Variants in MYH2 observed in about 807,000 individuals in gnomAD.
MYH2 encodes myosin heavy chain 2, also known as myosin-2.
Under a neutral mutation model 228.1 loss-of-function variants are expected in MYH2, and 139 were observed. That is an observed-to-expected ratio of 0.61 (90% CI 0.53 to 0.70). The LOEUF is 0.70. Ranked by LOEUF, MYH2 falls within the 30% of genes least tolerant of loss-of-function variation. MYH2 has a pLI of 0.00. For missense variants in MYH2, 1,809 were observed against 2,357.5 expected, an observed-to-expected ratio of 0.77 and a Z score of 4.82; for synonymous variants, 796 against 871.1, an observed-to-expected ratio of 0.91 and a Z score of 1.52.
At position 10,529,320 on chromosome 17, in the gene MYH2, ATT is replaced by A. The variant is rs771412635; in HGVS notation, c.3263+14_3263+15del. The A allele has an allele frequency of 9.7e-4, 1,566 of 1,613,570 alleles. No individual in the cohort carries two copies. The highest frequency in any genetic ancestry group is 1.1e-3 in the Non-Finnish European group (1,346 of 1,179,934). ...AATGTTGGAAGCAAATCCATAAGCA[ATT>A]CTTTCTTACTTACTTTTTGAGCTTT... On this transcript the variant is annotated intron_variant, in intron 25 of 39. Coordinates refer to ENST00000245503, the MANE Select transcript of MYH2 (RefSeq NM_017534.6).
chr17:10,549,128 C>T (rs1385770410), intron 2 of MYH2, among the ~76,000 whole-genome samples: 1 of 152,000 alleles, frequency 6.6e-6, no homozygotes, highest in African/African-American at 2.4e-5. Flanking sequence ...TTTTTTCCTG[C>T]ACAGACAATA....
chr17:10,530,514 C>T (rs2073412110), intron 22 of MYH2, among the ~76,000 whole-genome samples: 1 of 147,422 alleles, frequency 6.8e-6, no homozygotes, highest in Non-Finnish European at 1.5e-5. Context: ...AGGACAAATT[C>T]AAGATACAGC....
chr17:10,547,405 C>T (rs2073648647), intron 4 of MYH2, 70 bp downstream of exon 4: 1 of 1,588,068 alleles, frequency 6.3e-7, no homozygotes, highest in Non-Finnish European at 8.6e-7. Context: ...CCTATTTATG[C>T]TCAGTGGAAG....
chr17:10,526,779 G>A lies in MYH2; in HGVS notation c.4007C>T (p.Ala1336Val), dbSNP rs138470281. The A allele has an allele frequency of 2.1e-5, 34 of 1,614,216 alleles. No homozygotes were observed. Among genetic ancestry groups the A allele is most frequent in the Middle Eastern group, 1.7e-4 (1 of 6,056 alleles). The change falls in exon 30 of 40, where the codon GCG becomes GTG. Residue 1336 changes from alanine to valine, a missense_variant. Physicochemically the swap from Ala to Val is moderately conservative, Grantham distance 64 (BLOSUM62 0). Around this residue, in one of 9 missense-constraint regions of MYH2, gnomAD observed 636 missense variants for 729.9 expected, o/e 0.87. Transcript: ENST00000245503. The part of the protein sequence containing the change: ...EEEIKAKNAL[A>V]HALQSSRHDC... The stretch of plus-strand genomic sequence containing the variant: ...GTGGCGGGAAGACTGCAGGGCATGC[G>A]CCAGGGCGTTCTTGGCCTATGGAGG...
At chr17:10,527,128 A>G in intron 28 of MYH2, 72 bp from the exon 29 acceptor site, 1 of 1,391,008 alleles carries the variant, frequency 7.2e-7, no homozygotes, top group Non-Finnish European at 1.0e-6. Context: ...TTAGAAAGAA[A>G]TTTTGACTCT....
At position 10,524,927 on chromosome 17, in the gene MYH2, C is replaced by G; in HGVS notation, c.4801G>C (p.Glu1601Gln). 1 of 1,614,148 alleles carries G rather than the reference C, an allele frequency of 6.2e-7. No homozygotes were observed. The highest frequency in any genetic ancestry group is 8.5e-7 in the Non-Finnish European group (1 of 1,180,040). Residue 1601 changes from glutamate (E) to glutamine (Q), a missense_variant, in exon 34 of 40, where the codon GAG becomes CAG. By Grantham distance (29) the Glu-to-Gln change is conservative (BLOSUM62 2). Coordinates refer to ENST00000245503, the MANE Select transcript of MYH2 (RefSeq NM_017534.6). The surrounding 1 kb of genome is among the most constrained non-coding windows in gnomAD (Gnocchi z 4.7). The part of the protein sequence containing the change: ...QLKRNHIRIV[E>Q]SMQSTLDAEI... ...GCATCCAGCGTGCTCTGCATGGACT[C>G]CACGATTCTAATGTGGTTTCTCTTC...
intron 10 of MYH2, 121 bp downstream of exon 10, chr17:10,542,754 C>T: frequency 1.6e-6 from 1 of 612,702 alleles, no homozygotes; most frequent in Non-Finnish European, 2.8e-6. Flanking sequence ...ACTCACAAAG[C>T]TATTTATAAA....
Position 10,540,761 on chromosome 17 carries a change from T to C in MYH2, c.905-64A>G, listed in dbSNP as rs773272770. ...CTTCTTCATTAAAACAAGAGATTTC[T>C]AGACAAATTGTGAGGCACTATATTG... is the stretch of plus-strand genomic sequence containing the variant. On this transcript the variant is annotated intron_variant, in intron 10 of 39. Transcript: ENST00000245503. 1,331 of 1,418,714 alleles carry C rather than the reference T, an allele frequency of 9.4e-4. 1 individual carries two copies. Among genetic ancestry groups the C allele is most frequent in the Non-Finnish European group, 1.2e-3 (1,219 of 1,010,814 alleles). 87.9% of individuals were successfully genotyped at this position (1,418,714 alleles called of 1,614,324 possible).
Position 10,529,575 on chromosome 17 carries a change from G to A in MYH2, c.3106C>T (p.Gln1036Ter). 6.2e-7 allele frequency: 1 copy of A among 1,614,174 alleles called. No homozygotes were observed. The highest frequency in any genetic ancestry group is 2.2e-5 in the East Asian group (1 of 44,874). ...GATACCAGACTTACATCATCCACTT[G>A]TTGTTCAAGTTTGATTTTAGCTTTG... ...LTKAKIKLEQ[Q>*]VDDLEGSLEQ... Residue 1036 changes from glutamine to a stop codon, truncating the protein, a stop_gained, in exon 24 of 40, where the codon CAA (glutamine) becomes TAA (stop). Transcript: ENST00000245503. LOFTEE classifies it high-confidence loss of function.
rs2073332320 is a variant in MYH2, at chr17:10,524,965, T to G, written c.4763A>C (p.Glu1588Ala). Reference sequence around the variant, plus strand: ...GTGGTTTCTCTTCAGCTGGTCAATTTCCTCATCTTTTTCAGCAATTTTCCT... The same window carrying G: ...GTGGTTTCTCTTCAGCTGGTCAATTGCCTCATCTTTTTCAGCAATTTTCCT... ...VDRKIAEKDE[E>A]IDQLKRNHIR... Residue 1588 changes from glutamate (E) to alanine (A), a missense_variant, in exon 34 of 40, where the codon GAA becomes GCA. Glu to Ala is a moderately radical substitution (Grantham distance 107). Coordinates refer to ENST00000245503, the MANE Select transcript of MYH2 (RefSeq NM_017534.6). This position sits in a 1 kb window ranked among gnomAD's most constrained non-coding sequence, Gnocchi z 4.7. 3 of 1,614,090 alleles carry G rather than the reference T, an allele frequency of 1.9e-6. No individual in the cohort carries two copies. The highest frequency in any genetic ancestry group is 2.5e-6 in the Non-Finnish European group (3 of 1,180,018).
rs2073371575 is a variant in MYH2, at chr17:10,527,756, G to A, written c.3863C>T (p.Thr1288Ile). Residue 1288 changes from threonine to isoleucine, a missense_variant, in exon 28 of 40, where the codon ACT becomes ATT. By Grantham distance (89) the Thr-to-Ile change is moderately conservative. Coordinates refer to ENST00000245503, the MANE Select transcript of MYH2 (RefSeq NM_017534.6). ...GAAGAGGGGAGAGTTACCAGATTCA[G>A]TCTGCAGGCGCCCCCTCTGCGCAGT... Reference protein sequence around the residue: ...DLTAQRGRLQTESGEFSRQLD... With the variant: ...DLTAQRGRLQIESGEFSRQLD... The A allele has an allele frequency of 6.2e-7, 1 of 1,614,108 alleles. No homozygotes were observed.
At chr17:10,547,039 C>T (rs550340150) in intron 4 of MYH2, among the ~76,000 whole-genome samples, 4 of 151,924 alleles carry the variant, frequency 2.6e-5, no homozygotes, top group East Asian at 3.9e-4. Context: ...TGCAGTGAGC[C>T]GAGATCGCAC....
chr17:10,546,750 G>C (rs1024459106), intron 4 of MYH2, among the ~76,000 whole-genome samples: 1 of 142,430 alleles, frequency 7.0e-6, no homozygotes, highest in Non-Finnish European at 1.5e-5. Context: ...TGTTATTTCA[G>C]GGGATTGAAA....
chr17:10,529,301 G>A, intron 25 of MYH2, 35 bp downstream of exon 25: 1 of 1,613,950 alleles, frequency 6.2e-7, no homozygotes, highest in Admixed American at 1.7e-5. Flanking sequence ...ATCTAATGTT[G>A]GAAGCAAATC....
chr17:10,546,467 A>G (rs1204459306), intron 4 of MYH2, among the ~76,000 whole-genome samples: 1 of 151,822 alleles, frequency 6.6e-6, no homozygotes, highest in Non-Finnish European at 1.5e-5. Flanking sequence ...AATAAATTTG[A>G]TTTAAAAATA....
At position 10,524,748 on chromosome 17, in the gene MYH2, C is replaced by T; in HGVS notation, c.4971+9G>A. The T allele has an allele frequency of 6.2e-7, 1 of 1,614,208 alleles. No homozygotes were observed. The highest frequency in any genetic ancestry group is 8.5e-7 in the Non-Finnish European group (1 of 1,180,046). On this transcript the variant is annotated intron_variant, in intron 34 of 39. Coordinates refer to ENST00000245503, the MANE Select transcript of MYH2 (RefSeq NM_017534.6). The surrounding 1 kb of genome is among the most constrained non-coding windows in gnomAD (Gnocchi z 4.7). Reference sequence around the variant, plus strand: ...AATAGTCCTGGGACCATCTCTTGGACATATTTACCTTGAGGATGCCTTGGG... The same window carrying T: ...AATAGTCCTGGGACCATCTCTTGGATATATTTACCTTGAGGATGCCTTGGG...
At position 10,527,690 on chromosome 17, in the gene MYH2, C is replaced by G. The variant is rs572575722; in HGVS notation, c.3871+58G>C. ...AGGCTCCCACTTCACCAAATCAGTC[C>G]GTTGTTCTTAATCACATCCTCTCCA... On this transcript the variant is annotated intron_variant, in intron 28 of 39. Transcript: ENST00000245503. The G allele has an allele frequency of 1.1e-4, 173 of 1,611,682 alleles. 1 individual carries two copies. The Admixed American group carries it at 2.8e-3, about 26-fold the overall frequency.
chr17:10,525,169 C>A lies in MYH2; in HGVS notation c.4662+55G>T. 6.2e-7 allele frequency: 1 copy of A among 1,613,782 alleles called. No homozygotes were observed. The highest frequency in any genetic ancestry group is 8.5e-7 in the Non-Finnish European group (1 of 1,179,852). The stretch of plus-strand genomic sequence containing the variant: ...TATGTGTCTTTTTATTCACTCTATG[C>A]AGATGTACCTAATTATTTTCCAGAT... On this transcript the variant is annotated intron_variant, in intron 33 of 39. Transcript: ENST00000245503. This position sits in a 1 kb window ranked among gnomAD's most constrained non-coding sequence, Gnocchi z 4.2.
At chr17:10,548,026 C>T (rs1319916616) in intron 2 of MYH2, 86 bp from the exon 3 acceptor site, 3 of 1,208,044 alleles carry the variant, frequency 2.5e-6, no homozygotes, top group East Asian at 5.1e-5. Context: ...TTCATAGGCC[C>T]AGTTGGAAAT....
Sources: allele counts gnomAD v4.1 joint callset (sites outside exome capture counted in the v4.1 genomes callset), GRCh38; gene constraint gnomAD v4.1.1; regional missense constraint gnomAD v4.1.1; non-coding constraint Gnocchi (gnomAD v3.1); transcripts MANE v1.5; gene names NCBI Gene and HGNC (gene_info 2026-07-23, HGNC 2026-07-21).